The following FRA10AC1 variants were observed in gnomAD, a reference collection of about 807,000 sequenced individuals.
FRA10AC1 encodes FRA10A associated CGG repeat 1.
Under a neutral mutation model 56.5 loss-of-function variants are expected in FRA10AC1, and 43 were observed. That is an observed-to-expected ratio of 0.76 (90% confidence interval 0.60 to 0.98). The LOEUF is 0.98. FRA10AC1 is among the 50% of genes least tolerant of loss of function. The probability of loss-of-function intolerance (pLI) is 0.00; values close to 1 mark genes in which losing one functional copy is unlikely to be tolerated. For synonymous variants in FRA10AC1, 112 were observed against 110.5 expected, an observed-to-expected ratio of 1.01 and a Z score of -0.09; for missense variants, 346 against 351.8, an observed-to-expected ratio of 0.98 and a Z score of 0.13.
At chr10:93,697,425 T>C (rs565563761) in intron 4 of FRA10AC1, among the ~76,000 whole-genome samples, 5 of 152,370 alleles carry the variant, frequency 3.3e-5, no homozygotes, top group African/African-American at 1.2e-4. Context: ...GCGTATCAAA[T>C]TGACACTGTC....
Position 93,685,321 on chromosome 10 carries a change from C to G in FRA10AC1, c.550G>C (p.Glu184Gln), listed in dbSNP as rs982919249. Residue 184 changes from glutamate (E) to glutamine (Q), a missense_variant, in exon 9 of 14, where the codon GAA (glutamate) becomes CAA (glutamine). By Grantham distance (29) the Glu-to-Gln change is conservative. Coordinates refer to ENST00000359204, the MANE Select transcript of FRA10AC1 (RefSeq NM_145246.5). ...FCGNKYCDKK[E>Q]GLKSWEVNFG... ...TTAACTTCCCAACTCTTTAAGCCTT[C>G]TTTTTTATCACAATATTTATTTCCA... The G allele has an allele frequency of 1.2e-5, 19 of 1,573,720 alleles. No homozygotes were observed. The highest frequency in any genetic ancestry group is 1.7e-5 in the Non-Finnish European group (19 of 1,146,520).
chr10:93,691,148 T>A (rs1464232892), intron 7 of FRA10AC1, among the ~76,000 whole-genome samples: 8 of 152,160 alleles, frequency 5.3e-5, no homozygotes, highest in Non-Finnish European at 1.2e-4. Flanking sequence ...GGTCACCTTT[T>A]CCAGCTATAA....
chr10:93,678,649 C>A (rs2058882132), intron 11 of FRA10AC1, among the ~76,000 whole-genome samples: 1 of 151,970 alleles, frequency 6.6e-6, no homozygotes, highest in Non-Finnish European at 1.5e-5. Flanking sequence ...TGGGAAACAG[C>A]AAGACCCTGT....
Position 93,681,499 on chromosome 10 carries a change from G to T in FRA10AC1, c.768C>A (p.Ala256=). ...KKSRLSSAEE[A]SKKKDKGHSS... ...TTTTACCTTTATCTTTTTTCTTGGA[G>T]GCCTCTTCTGCAGAAGATAATCTGG... The change falls in exon 11 of 14, where the codon GCC becomes GCA. Residue 256 remains alanine, a synonymous_variant. Transcript: ENST00000359204. 1 of 1,569,686 alleles carries T rather than the reference G, an allele frequency of 6.4e-7. No homozygotes were observed.
intron 7 of FRA10AC1, among the ~76,000 whole-genome samples, chr10:93,690,415 G>T (rs1371436829): frequency 6.6e-6 from 1 of 151,980 alleles, no homozygotes; most frequent in African/African-American, 2.4e-5. Flanking sequence ...ATTTCTAGTG[G>T]TATCCATTTT....
intron 8 of FRA10AC1, among the ~76,000 whole-genome samples, chr10:93,686,586 T>C (rs2059031822): frequency 6.6e-6 from 1 of 151,836 alleles, no homozygotes; most frequent in South Asian, 2.1e-4. Context: ...TCTTTTTCCT[T>C]AATGTTGTTT....
chr10:93,668,048 A>G lies in FRA10AC1; in HGVS notation c.*1778T>C, dbSNP rs2133883869. The G allele has an allele frequency of 6.6e-6, 1 of 152,314 alleles. No homozygotes were observed. The allele number at this position is 152,314 out of a possible 1,614,324, so 9.4% of individuals were successfully genotyped here. ...AGCCATGCCCAGCTCAGTGCCTCACATATAATAGAAGCCTGATAAATATTT... is the reference window on the plus strand; with the variant it reads ...AGCCATGCCCAGCTCAGTGCCTCACGTATAATAGAAGCCTGATAAATATTT... On this transcript the variant is annotated 3_prime_UTR_variant, in exon 14 of 14. Coordinates refer to ENST00000359204, the MANE Select transcript of FRA10AC1 (RefSeq NM_145246.5).
At chr10:93,689,051 T>A (rs1214048994) in intron 7 of FRA10AC1, among the ~76,000 whole-genome samples, 1 of 124,584 alleles carries the variant, frequency 8.0e-6, no homozygotes, top group Non-Finnish European at 1.7e-5. Context: ...AACTTCAGTT[T>A]GTTGTGGGGT....
At chr10:93,700,141 T>C (rs1358527818) in intron 1 of FRA10AC1, 35 bp from the exon 2 acceptor site, 3 of 1,186,110 alleles carry the variant, frequency 2.5e-6, no homozygotes, top group East Asian at 2.4e-5. Context: ...ATTTAGAATC[T>C]ATGTTGCCAA....
intron 12 of FRA10AC1, chr10:93,673,340 TC>T (rs1380073145): frequency 4.4e-6 from 2 of 456,614 alleles, no homozygotes; most frequent in Non-Finnish European, 8.8e-6. Flanking sequence ...TTCACTCTTC[TC>T]CCAGGTAAAC....
intron 8 of FRA10AC1, among the ~76,000 whole-genome samples, chr10:93,687,025 G>C (rs781214611): frequency 6.6e-6 from 1 of 151,748 alleles, no homozygotes; most frequent in Non-Finnish European, 1.5e-5. Context: ...TTCTACTTTT[G>C]AAATGTGGAT....
At chr10:93,692,390 T>C (rs1403312187) in intron 6 of FRA10AC1, among the ~76,000 whole-genome samples, 2 of 152,180 alleles carry the variant, frequency 1.3e-5, no homozygotes, top group South Asian at 2.1e-4. Context: ...CAGCAGCATA[T>C]AATAACATAT....
chr10:93,691,817 T>A (rs1394925297), intron 7 of FRA10AC1, 192 bp downstream of exon 7: 1 of 486,968 alleles, frequency 2.1e-6, no homozygotes, highest in Non-Finnish European at 3.4e-6. Flanking sequence ...TTGTCCTTCA[T>A]AAATTTCCAT....
intron 2 of FRA10AC1, among the ~76,000 whole-genome samples, chr10:93,698,751 G>A (rs1471222598): frequency 6.6e-6 from 1 of 152,066 alleles, no homozygotes; most frequent in Non-Finnish European, 1.5e-5. Flanking sequence ...TAGTGATAAG[G>A]AAGTTTTTGG....
chr10:93,671,957 A>G (rs2058769658), intron 12 of FRA10AC1: 2 of 407,646 alleles, frequency 4.9e-6, no homozygotes, highest in Non-Finnish European at 9.6e-6. Context: ...GACAAAATAG[A>G]TATGTTTCAA....
At chr10:93,690,507 A>T (rs1218456779) in intron 7 of FRA10AC1, among the ~76,000 whole-genome samples, 1 of 152,194 alleles carries the variant, frequency 6.6e-6, no homozygotes, top group Admixed American at 6.5e-5. Context: ...TCTGAAAAGT[A>T]GTCACCATGT....
intron 7 of FRA10AC1, among the ~76,000 whole-genome samples, chr10:93,689,521 C>G (rs892865207): frequency 6.6e-6 from 1 of 152,098 alleles, no homozygotes; most frequent in Non-Finnish European, 1.5e-5. Context: ...CCAAGTGTAA[C>G]AGCAATAGTT....
intron 11 of FRA10AC1, among the ~76,000 whole-genome samples, chr10:93,678,949 G>A (rs550724212): frequency 1.3e-5 from 2 of 152,102 alleles, no homozygotes; most frequent in East Asian, 3.9e-4. Context: ...GATGTTAAGC[G>A]TTTATTAATT....
At chr10:93,701,951 C>T (rs2059339872) in intron 1 of FRA10AC1, among the ~76,000 whole-genome samples, 1 of 152,146 alleles carries the variant, frequency 6.6e-6, no homozygotes, top group African/African-American at 2.4e-5. Context: ...TGGCTGACCT[C>T]ATACGAATGG....
Sources: gnomAD v4.1 joint callset for allele counts (sites outside exome capture counted in the v4.1 genomes callset) on GRCh38, gnomAD v4.1.1 for gene constraint, MANE v1.5 for transcripts, NCBI Gene and HGNC (gene_info 2026-07-23, HGNC 2026-07-21) for gene names.